Variants in AKR1E2 observed in about 807,000 individuals in gnomAD.
AKR1E2 encodes the protein 1,5-anhydro-D-fructose reductase.
In AKR1E2, 43 loss-of-function variants were observed where a neutral mutation model predicts 41.9. The ratio of observed to expected loss-of-function variants is 1.03; its 90% CI spans 0.80 to 1.32. The LOEUF is 1.32. AKR1E2 is among the 40% of genes most tolerant of loss of function. AKR1E2 has a pLI of 0.00. For missense variants in AKR1E2, 423 were observed against 396.5 expected, an observed-to-expected ratio of 1.07 and a Z score of -0.57; for synonymous variants, 121 against 138.9, an observed-to-expected ratio of 0.87 and a Z score of 0.91.
chr10:4,830,657 GT>G lies in AKR1E2; in HGVS notation c.40-14del. Reference sequence around the variant, plus strand: ...TCCTCTGACTGTGAGAAGACACTTTGTTTTGTTGGTTTTGCAGGCTTCTCCA... The same window carrying G: ...TCCTCTGACTGTGAGAAGACACTTTGTTTGTTGGTTTTGCAGGCTTCTCCA... On this transcript the variant is annotated splice_polypyrimidine_tract_variant and intron_variant, in intron 1 of 9. Transcript: ENST00000298375. 6.2e-7 allele frequency: 1 copy of G among 1,613,028 alleles called. No homozygotes were observed. Among genetic ancestry groups the G allele is most frequent in the East Asian group, 2.2e-5 (1 of 44,852 alleles).
the AKR1E2 span, among the ~76,000 whole-genome samples, chr10:4,859,043 C>G: frequency 6.6e-6 from 1 of 151,978 alleles, no homozygotes; most frequent in Non-Finnish European, 1.5e-5. Flanking sequence ...AGGCTGGTCT[C>G]AAACTCCTGA....
At chr10:4,827,089 A>AG (rs1320093763) in intron 1 of AKR1E2, among the ~76,000 whole-genome samples, 11 of 134,376 alleles carry the variant, frequency 8.2e-5, no homozygotes, top group East Asian at 1.9e-4. Context: ...AAAAAAAAAA[A>AG]AAAAGAAAAA....
intron 3 of AKR1E2, among the ~76,000 whole-genome samples, chr10:4,835,045 A>T (rs1341873614): frequency 1.3e-5 from 2 of 152,206 alleles, no homozygotes; most frequent in Non-Finnish European, 2.9e-5. Context: ...ACATTCTTCC[A>T]CTGTTGTTTA....
At chr10:4,864,421 T>A in the AKR1E2 span, among the ~76,000 whole-genome samples, 1 of 152,298 alleles carries the variant, frequency 6.6e-6, no homozygotes, top group African/African-American at 2.4e-5. Flanking sequence ...CCCTTCATGC[T>A]AAAAACTCTC....
rs1246135694 is a variant in AKR1E2, at chr10:4,833,476, A to G, written c.324+10A>G. 6.2e-7 allele frequency: 1 copy of G among 1,607,628 alleles called. No homozygotes were observed. The highest frequency in any genetic ancestry group is 1.3e-5 in the African/African-American group (1 of 74,814). ...GCCCATGGGTTTCAAGGTACCGTTC[A>G]GTAGGTAGTTCGTTCTGCAGTTTGC... On this transcript the variant is annotated intron_variant, in intron 3 of 9. Coordinates refer to ENST00000298375, the MANE Select transcript of AKR1E2 (RefSeq NM_001040177.3).
chr10:4,867,398 A>G, the AKR1E2 span, among the ~76,000 whole-genome samples: 6 of 152,198 alleles, frequency 3.9e-5, no homozygotes, highest in African/African-American at 1.2e-4. Context: ...TTCCGTCACC[A>G]TGAGGGCCCT....
In AKR1E2 at chr10:4,830,919, G is replaced by C. The variant is rs1161597805; in HGVS notation, c.207+77G>C. ...GGAGGGCTTTCTACTTTCTTTATGG[G>C]AGTTGATGACTTTGTTTCATACTCA... On this transcript the variant is annotated intron_variant, in intron 2 of 9. Transcript: ENST00000298375. The C allele has an allele frequency of 2.4e-5, 37 of 1,539,522 alleles. 1 individual carries two copies. The South Asian group carries it at 4.2e-4, about 17-fold the overall frequency.
At chr10:4,872,607 ACT>A in the AKR1E2 span, among the ~76,000 whole-genome samples, 1 of 151,882 alleles carries the variant, frequency 6.6e-6, no homozygotes, top group South Asian at 2.1e-4. Flanking sequence ...CTGCATCTCC[ACT>A]CTCTGTTACC....
At chr10:4,830,524 G>C in intron 1 of AKR1E2, 151 bp from the exon 2 acceptor site, 2 of 730,952 alleles carry the variant, frequency 2.7e-6, no homozygotes, top group Non-Finnish European at 4.3e-6. Context: ...CTTCATAACT[G>C]ATATTGCCTG....
chr10:4,834,821 C>T (rs1833273146), intron 3 of AKR1E2, among the ~76,000 whole-genome samples: 1 of 152,214 alleles, frequency 6.6e-6, no homozygotes, highest in African/African-American at 2.4e-5. Context: ...GAGAATAATG[C>T]AGCATCGTCA....
chr10:4,840,301 C>T (rs1001683959), intron 6 of AKR1E2, among the ~76,000 whole-genome samples: 1 of 152,214 alleles, frequency 6.6e-6, no homozygotes, highest in African/African-American at 2.4e-5. Context: ...TCCCACATCC[C>T]GAGTCCAATC....
chr10:4,836,780 G>A (rs11252770), intron 4 of AKR1E2, among the ~76,000 whole-genome samples: 25,935 of 152,198 alleles, frequency 0.17, 2,461 homozygotes, highest in Middle Eastern at 0.2. Flanking sequence ...TAGCACCAGC[G>A]AGGTTCCGGT....
At chr10:4,866,690 G>A in the AKR1E2 span, among the ~76,000 whole-genome samples, 3 of 148,322 alleles carry the variant, frequency 2.0e-5, no homozygotes, top group South Asian at 4.3e-4. Context: ...GCCCAGGCTG[G>A]AGTGCAGTGG....
In AKR1E2 at chr10:4,841,829, C is replaced by CA; in HGVS notation, c.728dup (p.Glu244GlyfsTer32). ...GACAACCCTGTGATCAAGAGGATTG[C>CA]AAAGGAGCACGGCAAGTCTCCTGCT... is the stretch of plus-strand genomic sequence containing the variant. On this transcript the variant is annotated frameshift_variant, in exon 7 of 10. Transcript: ENST00000298375. LOFTEE classifies it high-confidence loss of function. 1 of 1,613,540 alleles carries CA rather than the reference C, an allele frequency of 6.2e-7. No homozygotes were observed. Among genetic ancestry groups the CA allele is most frequent in the South Asian group, 1.1e-5 (1 of 90,984 alleles).
the AKR1E2 span, among the ~76,000 whole-genome samples, chr10:4,853,610 A>G: frequency 2.2e-4 from 33 of 152,320 alleles, no homozygotes; most frequent in African/African-American, 6.7e-4. Context: ...ATAAGACACC[A>G]ATCCGTATAA....
the AKR1E2 span, among the ~76,000 whole-genome samples, chr10:4,865,524 C>G: frequency 6.6e-6 from 1 of 151,998 alleles, no homozygotes; most frequent in Admixed American, 6.6e-5. Context: ...ATTCCAAAAG[C>G]CAGTAAGCAA....
At chr10:4,847,390 T>G in intron 9 of AKR1E2, 98 bp from the exon 10 acceptor site, 1 of 1,528,938 alleles carries the variant, frequency 6.5e-7, no homozygotes, top group Non-Finnish European at 8.9e-7. Flanking sequence ...GCTAATTTCA[T>G]GCACTGGGGA....
rs568744955 is a variant in AKR1E2 at position 4,839,643 on chromosome 10, C to T, written c.583-86C>T. The T allele has an allele frequency of 9.4e-5, 121 of 1,290,512 alleles. No homozygotes were observed. In the South Asian group the frequency reaches 1.3e-3, roughly 14 times the overall value. The allele number at this position is 1,290,512 out of a possible 1,614,324, so 79.9% of individuals were successfully genotyped here. ...GGCCCCATGGCTACTCGGTGACAGC[C>T]AAGACTTTGACGCAGGTCTTCTCTT... On this transcript the variant is annotated intron_variant, in intron 5 of 9. Coordinates refer to ENST00000298375, the MANE Select transcript of AKR1E2 (RefSeq NM_001040177.3).
Position 4,838,689 on chromosome 10 carries a change from C to T in AKR1E2, c.583-1040C>T, listed in dbSNP as rs144188559. 3.3e-3 allele frequency among the ~76,000 whole-genome samples: 498 copies of T among 152,284 alleles called. 1 individual carries two copies. Among genetic ancestry groups the T allele is most frequent in the African/African-American group, 0.011 (468 of 41,556 alleles). On this transcript the variant is annotated intron_variant, in intron 5 of 9. Transcript: ENST00000298375. ...GCTCCCCTGGGTCCTGTTGTAGCCA[C>T]CACCATGAAGAGCAACCTGGCTTCT... is the stretch of plus-strand genomic sequence containing the variant.
Sources: allele counts gnomAD v4.1 joint callset (sites outside exome capture counted in the v4.1 genomes callset), GRCh38; gene constraint gnomAD v4.1.1; transcripts MANE v1.5; gene names NCBI Gene and HGNC (gene_info 2026-07-23, HGNC 2026-07-21).